FAM13A: variants seen among roughly 807,000 people sequenced by gnomAD.
The protein encoded by FAM13A is family with sequence similarity 13 member A, also known as protein FAM13A.
Under a neutral mutation model 129.6 loss-of-function variants are expected in FAM13A, and 76 were observed. The ratio of observed to expected loss-of-function variants is 0.59; its 90% CI spans 0.49 to 0.71. The LOEUF is 0.71. Ranked by LOEUF, FAM13A falls within the 30% of genes least tolerant of loss-of-function variation. The probability of loss-of-function intolerance (pLI) is 0.00; values close to 1 mark genes in which losing one functional copy is unlikely to be tolerated. For missense variants in FAM13A, 1,108 were observed against 1,249.3 expected (o/e 0.89, Z 1.70); for synonymous variants, 443 against 449.9 (o/e 0.98, Z 0.20).
Position 88,732,129 on chromosome 4 carries a change from A to T in FAM13A, c.2716T>A (p.Phe906Ile), listed in dbSNP as rs746578378. The change falls in exon 22 of 24, where the codon TTC becomes ATC. Residue 906 changes from phenylalanine to isoleucine, a missense_variant. By Grantham distance (21) the Phe-to-Ile change is conservative. Transcript: ENST00000264344. ...PDFMVTLKTD[F>I]SARCFLDQFE... The stretch of plus-strand genomic sequence containing the variant: ...TGGTCCAGAAAGCATCGTGCACTGA[A>T]ATCGGTTTTCAGAGTGACCATGAAG... 2.5e-6 allele frequency: 4 copies of T among 1,613,850 alleles called. No individual in the cohort carries two copies. Among genetic ancestry groups the T allele is most frequent in the South Asian group, 1.1e-5 (1 of 91,048 alleles).
chr4:89,015,187 T>A (rs1766312152), intron 3 of FAM13A, among the ~76,000 whole-genome samples: 1 of 152,188 alleles, frequency 6.6e-6, no homozygotes, highest in African/African-American at 2.4e-5. Flanking sequence ...CCTGATAAGA[T>A]GTTACCAACG....
In FAM13A at chr4:89,005,175, T is replaced by C. The variant is rs559361045; in HGVS notation, c.428-14025A>G. Among the ~76,000 whole-genome samples the C allele has an allele frequency of 1.9e-4, 29 of 152,344 alleles. No homozygotes were observed. In the South Asian group the frequency reaches 6.0e-3, roughly 32 times the overall value. On this transcript the variant is annotated intron_variant, in intron 3 of 23. Coordinates refer to ENST00000264344, the MANE Select transcript of FAM13A (RefSeq NM_014883.4). ...AGTGAGAACAAGCAGCATTTGGTTT[T>C]CTGTTTCGATGTTAGTTTGCTAAGG...
intron 19 of FAM13A, among the ~76,000 whole-genome samples, chr4:88,742,284 G>A (rs1008591091): frequency 6.6e-6 from 1 of 152,194 alleles, no homozygotes; most frequent in Non-Finnish European, 1.5e-5. Context: ...TCTACTTGGA[G>A]TAGATGAGGA....
chr4:88,726,216 GACTA>G lies in FAM13A; in HGVS notation c.*2313_*2316del, dbSNP rs1263855897. ...CAGAGCCAGAAACCACTGACTGACT[GACTA>G]ACAAACATTTCTTCAAATAAGATCT... On this transcript the variant is annotated 3_prime_UTR_variant, in exon 24 of 24. Coordinates refer to ENST00000264344, the MANE Select transcript of FAM13A (RefSeq NM_014883.4). The G allele has an allele frequency of 5.9e-5, 9 of 152,122 alleles. No homozygotes were observed. Among genetic ancestry groups the G allele is most frequent in the Admixed American group, 3.9e-4 (6 of 15,272 alleles). 9.4% of individuals were successfully genotyped at this position (152,122 alleles called of 1,614,324 possible). A position where few individuals can be genotyped will look rare whatever the true frequency, so the allele number is the denominator to read the frequency against.
chr4:88,906,283 G>GTC, intron 6 of FAM13A, 96 bp downstream of exon 6: 1 of 882,530 alleles, frequency 1.1e-6, no homozygotes, highest in Non-Finnish European at 1.8e-6. Flanking sequence ...GCAAGACTCT[G>GTC]TCTCAAAACA....
chr4:88,892,220 C>G lies in FAM13A; in HGVS notation c.843+14159G>C, dbSNP rs570528048. ...TTTGAGACGGAGTCTGGCTCTGTCACCCAGGCTGGAGTGCAGTGGCGAGAT... is the reference window on the plus strand; with the variant it reads ...TTTGAGACGGAGTCTGGCTCTGTCAGCCAGGCTGGAGTGCAGTGGCGAGAT... On this transcript the variant is annotated intron_variant, in intron 6 of 23. Transcript: ENST00000264344. 9.7e-4 allele frequency among the ~76,000 whole-genome samples: 141 copies of G among 144,958 alleles called. 2 individuals are homozygous for G. The highest frequency in any genetic ancestry group is 3.0e-4 in the Non-Finnish European group (20 of 66,900).
At chr4:88,730,187 T>C (rs1737360198) in intron 23 of FAM13A, 1 of 152,226 alleles carries the variant, frequency 6.6e-6, no homozygotes, top group African/African-American at 2.4e-5. Flanking sequence ...ATAGCTTCAG[T>C]AATCTGGGTT....
At chr4:88,960,785 G>C (rs1239002906) in intron 4 of FAM13A, among the ~76,000 whole-genome samples, 1 of 152,090 alleles carries the variant, frequency 6.6e-6, no homozygotes, top group African/African-American at 2.4e-5. Flanking sequence ...AAGCAGCTTT[G>C]TTTTACCATT....
intron 6 of FAM13A, among the ~76,000 whole-genome samples, chr4:88,892,021 A>G (rs1436936399): frequency 6.6e-6 from 1 of 152,094 alleles, no homozygotes; most frequent in African/African-American, 2.4e-5. Flanking sequence ...TACAAAAAAT[A>G]AAACAATTAG....
At chr4:88,781,956 A>G (rs935660266) in intron 10 of FAM13A, among the ~76,000 whole-genome samples, 32 of 151,730 alleles carry the variant, frequency 2.1e-4, no homozygotes, top group Middle Eastern at 3.4e-3. Context: ...AAACCTGCAC[A>G]TTGTGCACAT....
At chr4:89,028,781 A>G (rs531968486) in intron 2 of FAM13A, among the ~76,000 whole-genome samples, 7 of 152,120 alleles carry the variant, frequency 4.6e-5, no homozygotes, top group South Asian at 2.1e-4. Context: ...TAAAAAAAAA[A>G]AAAAGATGTA....
intron 4 of FAM13A, among the ~76,000 whole-genome samples, chr4:88,955,357 G>T (rs1371101550): frequency 2.0e-5 from 3 of 152,072 alleles, no homozygotes; most frequent in Non-Finnish European, 4.4e-5. Flanking sequence ...TGCCATGATT[G>T]TAAGTTTCCT....
At chr4:88,769,399 C>A (rs535871874) in intron 11 of FAM13A, among the ~76,000 whole-genome samples, 6 of 152,248 alleles carry the variant, frequency 3.9e-5, no homozygotes, top group South Asian at 4.1e-4. Context: ...AATCAGAATA[C>A]TTGGGTTAGA....
intron 2 of FAM13A, among the ~76,000 whole-genome samples, chr4:89,025,676 G>T (rs1035621623): frequency 2.8e-4 from 43 of 152,160 alleles, no homozygotes; most frequent in African/African-American, 1.0e-3. Context: ...CAGAGGAAAA[G>T]AAAATAATTA....
chr4:88,963,120 T>C (rs565489268), intron 4 of FAM13A, among the ~76,000 whole-genome samples: 12 of 152,078 alleles, frequency 7.9e-5, no homozygotes, highest in Non-Finnish European at 1.8e-4. Context: ...ATGAAACTAA[T>C]GTTACTTAAA....
intron 4 of FAM13A, among the ~76,000 whole-genome samples, chr4:88,987,997 T>C (rs982685259): frequency 4.6e-5 from 7 of 152,068 alleles, no homozygotes; most frequent in African/African-American, 1.4e-4. Flanking sequence ...TCTGTTTTCT[T>C]AAAAACTCAA....
chr4:88,945,990 G>GTGTGTGTATATATATATATATATATA, intron 4 of FAM13A, among the ~76,000 whole-genome samples: 9 of 61,922 alleles, frequency 1.5e-4, no homozygotes, highest in South Asian at 6.1e-4. Flanking sequence ...GTGTGTGTGT[G>GTGTGTGTATATATATATATATATATA]TATATATATA....
intron 7 of FAM13A, among the ~76,000 whole-genome samples, chr4:88,829,417 T>C (rs955056204): frequency 2.0e-5 from 3 of 152,152 alleles, no homozygotes; most frequent in Non-Finnish European, 2.9e-5. Flanking sequence ...CCAGCCTAGG[T>C]GACAGAGTGA....
At chr4:89,003,285 A>T (rs1364305428) in intron 3 of FAM13A, among the ~76,000 whole-genome samples, 2 of 32,014 alleles carry the variant, frequency 6.2e-5, no homozygotes, top group African/African-American at 1.4e-4. Flanking sequence ...GCAATTTGGA[A>T]AAAAAAAAAA....
Sources: allele counts gnomAD v4.1 joint callset (sites outside exome capture counted in the v4.1 genomes callset), GRCh38; gene constraint gnomAD v4.1.1; transcripts MANE v1.5; gene names NCBI Gene and HGNC (gene_info 2026-07-23, HGNC 2026-07-21).